The following PLD5 variants were observed in gnomAD, a reference collection of about 807,000 sequenced individuals.
PLD5 encodes phospholipase D family member 5.
Under a neutral mutation model 61.1 loss-of-function variants are expected in PLD5, and 36 were observed. That is an observed-to-expected ratio of 0.59 (90% CI 0.45 to 0.78). The LOEUF (loss-of-function observed/expected upper bound fraction) is 0.78. Among genes scored for constraint, PLD5 ranks in the 30% least tolerant of loss-of-function variants. The pLI is 0.00. For synonymous variants in PLD5, 243 were observed against 242.8 expected (o/e 1.00, Z -0.01); for missense variants, 515 against 644.4 (o/e 0.80, Z 2.17).
chr1:242,090,751 G>C (rs977672661), intron 9 of PLD5, among the ~76,000 whole-genome samples: 4 of 152,188 alleles, frequency 2.6e-5, no homozygotes, highest in South Asian at 4.1e-4. Context: ...CAAATTGGGT[G>C]GCTGAAACTA....
chr1:242,501,063 G>A (rs1668539487), intron 1 of PLD5, among the ~76,000 whole-genome samples: 1 of 152,132 alleles, frequency 6.6e-6, no homozygotes, highest in South Asian at 2.1e-4. Flanking sequence ...ACATTAGTAT[G>A]AGTAGGTATG....
chr1:242,523,815 G>A (rs1669355274), intron 1 of PLD5, among the ~76,000 whole-genome samples: 1 of 152,184 alleles, frequency 6.6e-6, no homozygotes, highest in African/African-American at 2.4e-5. Flanking sequence ...CCAGAACCCC[G>A]TGCAAATGAA....
chr1:242,444,530 G>A (rs956887849), intron 1 of PLD5, among the ~76,000 whole-genome samples: 8 of 150,672 alleles, frequency 5.3e-5, no homozygotes, highest in African/African-American at 2.0e-4. Context: ...GAAACCTGTG[G>A]ACATAGGAAT....
At chr1:242,275,150 G>C (rs1674344150) in intron 3 of PLD5, among the ~76,000 whole-genome samples, 1 of 151,824 alleles carries the variant, frequency 6.6e-6, no homozygotes. Context: ...TGATGCTATA[G>C]TCTTAAGAAA....
chr1:242,433,474 G>A (rs1403810555), intron 1 of PLD5, among the ~76,000 whole-genome samples: 2 of 152,126 alleles, frequency 1.3e-5, no homozygotes, highest in East Asian at 1.9e-4. Flanking sequence ...ATATTGTTTC[G>A]CACCTTATTT....
chr1:242,319,192 T>C (rs1369712215), intron 2 of PLD5, among the ~76,000 whole-genome samples: 1 of 152,118 alleles, frequency 6.6e-6, no homozygotes, highest in Non-Finnish European at 1.5e-5. Flanking sequence ...ACTTTTTATT[T>C]TGCCAGGGAG....
At chr1:242,302,984 T>G (rs753609345) in intron 2 of PLD5, among the ~76,000 whole-genome samples, 4 of 152,122 alleles carry the variant, frequency 2.6e-5, no homozygotes, top group Non-Finnish European at 5.9e-5. Flanking sequence ...GAAATTCTCC[T>G]GGATATTTTG....
At chr1:242,239,316 T>C (rs1160032705) in intron 4 of PLD5, among the ~76,000 whole-genome samples, 1 of 152,150 alleles carries the variant, frequency 6.6e-6, no homozygotes, top group Non-Finnish European at 1.5e-5. Flanking sequence ...GTGGAATGAA[T>C]GATTGGAAGC....
chr1:242,247,508 G>A (rs2149075802), intron 4 of PLD5, among the ~76,000 whole-genome samples: 1 of 152,266 alleles, frequency 6.6e-6, no homozygotes, highest in East Asian at 1.9e-4. Context: ...CATGGCCTTA[G>A]GTCTTGTTTA....
At chr1:242,371,788 T>G (rs2149246794) in intron 1 of PLD5, among the ~76,000 whole-genome samples, 1 of 152,252 alleles carries the variant, frequency 6.6e-6, no homozygotes, top group South Asian at 2.1e-4. Context: ...AAATGCAATC[T>G]TATAATATAG....
chr1:242,451,459 C>CTTTTTTTTTTTT (rs398038597), intron 1 of PLD5, among the ~76,000 whole-genome samples: 2 of 115,142 alleles, frequency 1.7e-5, no homozygotes, highest in Non-Finnish European at 3.5e-5. Context: ...GTATCAAATT[C>CTTTTTTTTTTTT]TTTTTTTTTT....
chr1:242,516,249 A>ATT (rs1341061078), intron 1 of PLD5, among the ~76,000 whole-genome samples: 2 of 67,920 alleles, frequency 2.9e-5, no homozygotes, highest in Admixed American at 1.8e-4. Context: ...CTAAAGTTAA[A>ATT]TTATATATAT....
chr1:242,289,658 T>C (rs1034992818), intron 2 of PLD5, among the ~76,000 whole-genome samples: 1 of 152,192 alleles, frequency 6.6e-6, no homozygotes, highest in South Asian at 2.1e-4. Flanking sequence ...CCCAGCCTCC[T>C]GCAATTCTTG....
At chr1:242,357,970 T>C (rs1660851231) in intron 1 of PLD5, among the ~76,000 whole-genome samples, 1 of 152,052 alleles carries the variant, frequency 6.6e-6, no homozygotes, top group Non-Finnish European at 1.5e-5. Flanking sequence ...ATTTCATAAG[T>C]ACTGTCTTCG....
intron 5 of PLD5, among the ~76,000 whole-genome samples, chr1:242,149,143 C>G (rs1664747896): frequency 6.6e-6 from 1 of 151,778 alleles, no homozygotes; most frequent in Non-Finnish European, 1.5e-5. Context: ...AGGTTTTACG[C>G]AGACGCTCTT....
At chr1:242,341,164 A>G (rs1284968403) in intron 2 of PLD5, among the ~76,000 whole-genome samples, 1 of 151,758 alleles carries the variant, frequency 6.6e-6, no homozygotes, top group Non-Finnish European at 1.5e-5. Context: ...AAAGTACAAA[A>G]GGTGGCTCTC....
intron 5 of PLD5, among the ~76,000 whole-genome samples, chr1:242,141,997 T>G (rs1225977376): frequency 6.6e-6 from 1 of 152,212 alleles, no homozygotes; most frequent in Non-Finnish European, 1.5e-5. Context: ...CATCCACTCA[T>G]ATATTCATTC....
chr1:242,427,701 T>C (rs989330435), intron 1 of PLD5, among the ~76,000 whole-genome samples: 1 of 152,228 alleles, frequency 6.6e-6, no homozygotes, highest in African/African-American at 2.4e-5. Context: ...AGCAGACTGA[T>C]GATTAGCTGA....
chr1:242,183,995 C>A (rs941895999), intron 5 of PLD5, among the ~76,000 whole-genome samples: 5 of 152,180 alleles, frequency 3.3e-5, no homozygotes, highest in Non-Finnish European at 7.3e-5. Flanking sequence ...ATCCTAACAA[C>A]TTTGTAGCTG....
Sources: allele counts gnomAD v4.1 joint callset (sites outside exome capture counted in the v4.1 genomes callset), GRCh38; gene constraint gnomAD v4.1.1; transcripts MANE v1.5; gene names NCBI Gene and HGNC (gene_info 2026-07-23, HGNC 2026-07-21).